Variants in ADH4 observed in about 807,000 individuals in gnomAD.
ADH4 encodes alcohol dehydrogenase 4 (class II), pi polypeptide.
ADH4 carries 31 observed loss-of-function variants against 35.2 expected under a neutral mutation model. The ratio of observed to expected loss-of-function variants is 0.88; its 90% confidence interval spans 0.66 to 1.19. The LOEUF is 1.19. Among genes scored for constraint, ADH4 ranks in the 50% most tolerant of loss-of-function variants. The pLI, the probability that ADH4 is intolerant of heterozygous loss-of-function variation, is 0.00. For missense variants in ADH4, 476 were observed against 458.3 expected (o/e 1.04, Z -0.35); for synonymous variants, 171 against 160.2 (o/e 1.07, Z -0.51).
intron 3 of ADH4, among the ~76,000 whole-genome samples, chr4:99,140,774 G>A (rs1214205946): frequency 1.3e-5 from 2 of 151,164 alleles, no homozygotes; most frequent in African/African-American, 4.9e-5. Context: ...GGCTGAAGCA[G>A]GATAATTGCT....
chr4:99,141,685 A>T lies in ADH4; in HGVS notation c.121-3T>A. 3 of 1,613,082 alleles carry T rather than the reference A, an allele frequency of 1.9e-6. No individual in the cohort carries two copies. The highest frequency in any genetic ancestry group is 2.5e-6 in the Non-Finnish European group (3 of 1,179,414). ...TGGCACAGAGAGGTAGCAATGATCTACAAGGCAATCACAGACTTTAATTGT... is the reference window on the plus strand; with the variant it reads ...TGGCACAGAGAGGTAGCAATGATCTTCAAGGCAATCACAGACTTTAATTGT... On this transcript the variant is annotated splice_region_variant and splice_polypyrimidine_tract_variant and intron_variant, in intron 2 of 8. Coordinates refer to ENST00000265512, the MANE Select transcript of ADH4 (RefSeq NM_000670.5).
intron 2 of ADH4, 43 bp downstream of exon 2, chr4:99,142,636 T>C (rs771241227): frequency 1.3e-5 from 18 of 1,338,292 alleles, no homozygotes; most frequent in African/African-American, 1.5e-5. Context: ...AGGTCTCCAC[T>C]TGGGGCCCTG....
intron 7 of ADH4, 45 bp downstream of exon 7, chr4:99,127,164 C>T: frequency 6.6e-7 from 1 of 1,508,014 alleles, no homozygotes; most frequent in Non-Finnish European, 9.0e-7. Context: ...AATTTCAGAA[C>T]TACTAGGAAA....
Position 99,124,281 on chromosome 4 carries a change from A to G in ADH4, c.*161T>C. The G allele has an allele frequency of 1.7e-6, 1 of 577,444 alleles. No homozygotes were observed. 35.8% of individuals were successfully genotyped at this position (577,444 alleles called of 1,614,324 possible). The stretch of plus-strand genomic sequence containing the variant: ...CATAGGGAATATTCATATATATAAC[A>G]GGTACAAAGTCTATAATATTTAAAG... On this transcript the variant is annotated 3_prime_UTR_variant, in exon 9 of 9. Coordinates refer to ENST00000265512, the MANE Select transcript of ADH4 (RefSeq NM_000670.5).
chr4:99,140,868 A>T (rs1211683096), intron 3 of ADH4, among the ~76,000 whole-genome samples: 1 of 10,404 alleles, frequency 9.6e-5, no homozygotes, highest in Non-Finnish European at 1.5e-4. Flanking sequence ...CTCCATCTCA[A>T]AAAAAAAAAA....
chr4:99,131,417 A>G, intron 6 of ADH4, 87 bp downstream of exon 6: 1 of 1,420,056 alleles, frequency 7.0e-7, no homozygotes, highest in Non-Finnish European at 9.6e-7. Flanking sequence ...AGTACTAAGT[A>G]CCATAATAAA....
chr4:99,125,037 G>C (rs1257180722), intron 8 of ADH4, among the ~76,000 whole-genome samples: 1 of 152,180 alleles, frequency 6.6e-6, no homozygotes, highest in African/African-American at 2.4e-5. Context: ...ACCCAGGACT[G>C]GAAGACACCC....
At chr4:99,125,942 T>A (rs29001227) in intron 8 of ADH4, among the ~76,000 whole-genome samples, 6,867 of 152,296 alleles carry the variant, frequency 0.045, 486 homozygotes, top group African/African-American at 0.15. Flanking sequence ...CCTTTGTTTC[T>A]ATTGATCAAG....
intron 6 of ADH4, among the ~76,000 whole-genome samples, chr4:99,127,985 A>T (rs1729151196): frequency 6.6e-6 from 1 of 151,404 alleles, no homozygotes; most frequent in Admixed American, 6.6e-5. Context: ...AAACCCAGCC[A>T]AATCTATCGT....
intron 4 of ADH4, among the ~76,000 whole-genome samples, chr4:99,137,074 C>T (rs569928278): frequency 6.6e-6 from 1 of 151,962 alleles, no homozygotes; most frequent in East Asian, 1.9e-4. Context: ...CTCAGCCTCC[C>T]GAGTAGCTGG....
chr4:99,129,883 C>T (rs1269397698), intron 6 of ADH4, among the ~76,000 whole-genome samples: 1 of 152,190 alleles, frequency 6.6e-6, no homozygotes, highest in Non-Finnish European at 1.5e-5. Flanking sequence ...CTGCTGTACT[C>T]ATAATCCTGA....
At chr4:99,143,339 A>G in intron 1 of ADH4, 2 of 653,822 alleles carry the variant, frequency 3.1e-6, no homozygotes, top group Non-Finnish European at 5.6e-6. Flanking sequence ...AGAATTCATT[A>G]AAAGTCTGAG....
chr4:99,132,366 T>G (rs1052565010), intron 5 of ADH4, among the ~76,000 whole-genome samples: 2 of 152,186 alleles, frequency 1.3e-5, no homozygotes, highest in African/African-American at 4.8e-5. Context: ...ACTTTTAACC[T>G]TATTTTCTTT....
chr4:99,142,533 C>T (rs1219897987), intron 2 of ADH4, 146 bp downstream of exon 2: 4 of 415,800 alleles, frequency 9.6e-6, no homozygotes, highest in Non-Finnish European at 1.7e-5. Flanking sequence ...GGGATAATGC[C>T]TGTTTTTGAC....
At chr4:99,129,260 A>C (rs1729197794) in intron 6 of ADH4, among the ~76,000 whole-genome samples, 1 of 152,090 alleles carries the variant, frequency 6.6e-6, no homozygotes, top group South Asian at 2.1e-4. Context: ...AATTTCATAT[A>C]AAAAAGAATC....
At position 99,136,546 on chromosome 4, in the gene ADH4, C is replaced by G. The variant is rs1463323615; in HGVS notation, c.502G>C (p.Asp168His). The G allele has an allele frequency of 2.5e-6, 4 of 1,614,026 alleles. No homozygotes were observed. Among genetic ancestry groups the G allele is most frequent in the Non-Finnish European group, 3.4e-6 (4 of 1,180,032 alleles). Residue 168 changes from aspartate to histidine, a missense_variant, in exon 5 of 9, where the codon GAT (aspartate) becomes CAT (histidine). By Grantham distance (81) the Asp-to-His change is moderately conservative. Transcript: ENST00000265512. ...VSDINLAKID[D>H]DANLERVCLL... is the part of the protein sequence containing the mutation. The stretch of plus-strand genomic sequence containing the variant: ...CAAACTCTCTCTAAATTTGCATCAT[C>G]ATCTATTTTGGCAAGATTGATATCT...
At chr4:99,134,967 C>T (rs1413974016) in intron 5 of ADH4, among the ~76,000 whole-genome samples, 2 of 151,888 alleles carry the variant, frequency 1.3e-5, no homozygotes, top group Admixed American at 1.3e-4. Context: ...TTTTATGCAC[C>T]TGGTTTTATT....
chr4:99,129,414 T>C (rs1170142549), intron 6 of ADH4, among the ~76,000 whole-genome samples: 2 of 152,184 alleles, frequency 1.3e-5, no homozygotes, highest in African/African-American at 4.8e-5. Flanking sequence ...AAAAATTTTG[T>C]ATGTGATTAA....
Position 99,136,531 on chromosome 4 carries a change from C to T in ADH4, c.517G>A (p.Glu173Lys), listed in dbSNP as rs765711497. The T allele has an allele frequency of 1.5e-5, 24 of 1,614,032 alleles. No individual in the cohort carries two copies. Among genetic ancestry groups the T allele is most frequent in the Non-Finnish European group, 1.9e-5 (23 of 1,180,026 alleles). ...CCACATCCAAGCAGACAAACTCTCT[C>T]TAAATTTGCATCATCATCTATTTTG... is the stretch of plus-strand genomic sequence containing the variant. ...LAKIDDDANL[E>K]RVCLLGCGFS... The change falls in exon 5 of 9, where the codon GAG becomes AAG. Residue 173 changes from glutamate to lysine, a missense_variant. Physicochemically the swap from Glu to Lys is moderately conservative, Grantham distance 56 (BLOSUM62 1). Transcript: ENST00000265512.
Sources: gnomAD v4.1 joint callset for allele counts (sites outside exome capture counted in the v4.1 genomes callset) on GRCh38, gnomAD v4.1.1 for gene constraint, MANE v1.5 for transcripts, NCBI Gene and HGNC (gene_info 2026-07-23, HGNC 2026-07-21) for gene names.